The following TRPC1 variants were observed in gnomAD, a reference collection of about 807,000 sequenced individuals.
TRPC1 encodes the protein transient receptor potential cation channel subfamily C member 1.
Under a neutral mutation model 88.2 loss-of-function variants are expected in TRPC1, and 42 were observed. The ratio of observed to expected loss-of-function variants is 0.48; its 90% confidence interval spans 0.37 to 0.62. The LOEUF (loss-of-function observed/expected upper bound fraction) is 0.62, where lower values mean the gene tolerates loss of function less well. Ranked by LOEUF, TRPC1 falls within the 20% of genes least tolerant of loss-of-function variation. The pLI, the probability that TRPC1 is intolerant of heterozygous loss-of-function variation, is 0.00. For missense variants in TRPC1, 699 were observed against 957.3 expected, an observed-to-expected ratio of 0.73 and a Z score of 3.56; for synonymous variants, 288 against 331.8, an observed-to-expected ratio of 0.87 and a Z score of 1.43.
At chr3:142,797,033 C>T (rs910905423) in intron 9 of TRPC1, among the ~76,000 whole-genome samples, 1 of 151,824 alleles carries the variant, frequency 6.6e-6, no homozygotes, top group Non-Finnish European at 1.5e-5. Context: ...TCTTCCCCTT[C>T]GCACTGTAAA....
intron 4 of TRPC1, among the ~76,000 whole-genome samples, chr3:142,774,005 A>G (rs1935672811): frequency 6.6e-6 from 1 of 151,896 alleles, no homozygotes; most frequent in Non-Finnish European, 1.5e-5. Flanking sequence ...TGTGTTGTAC[A>G]TTTATTGATG....
At chr3:142,786,473 GATAAA>G (rs1936136768) in intron 7 of TRPC1, among the ~76,000 whole-genome samples, 1 of 152,090 alleles carries the variant, frequency 6.6e-6, no homozygotes, top group Admixed American at 6.5e-5. Flanking sequence ...AAATTAGGTA[GATAAA>G]ATAATACACA....
At chr3:142,790,631 G>C (rs1451925273) in intron 7 of TRPC1, among the ~76,000 whole-genome samples, 1 of 152,060 alleles carries the variant, frequency 6.6e-6, no homozygotes, top group African/African-American at 2.4e-5. Context: ...CCCTTGTGCG[G>C]GGGTGTGTAC....
At chr3:142,795,137 A>C (rs1936412972) in intron 9 of TRPC1, among the ~76,000 whole-genome samples, 1 of 152,104 alleles carries the variant, frequency 6.6e-6, no homozygotes, top group South Asian at 2.1e-4. Context: ...AGTAAACTCG[A>C]ATAGGTAACA....
chr3:142,795,918 A>G (rs1936436637), intron 9 of TRPC1, among the ~76,000 whole-genome samples: 1 of 152,112 alleles, frequency 6.6e-6, no homozygotes, highest in African/African-American at 2.4e-5. Context: ...TTGGGCATAA[A>G]TCAGTAATGC....
At chr3:142,799,029 C>T (rs963637441) in intron 9 of TRPC1, among the ~76,000 whole-genome samples, 3 of 152,044 alleles carry the variant, frequency 2.0e-5, no homozygotes, top group African/African-American at 4.8e-5. Context: ...CACCTAACAC[C>T]TCAGTATTTT....
chr3:142,736,623 T>TCCTCCTCTTCTTCCTTTC, intron 2 of TRPC1, 90 bp downstream of exon 2: 1 of 1,130,616 alleles, frequency 8.8e-7, no homozygotes, highest in Non-Finnish European at 1.2e-6. Context: ...TTCTTCTTTT[T>TCCTCCTCTTCTTCCTTTC]CCTCCTCTTC....
intron 1 of TRPC1, 112 bp from the exon 2 acceptor site, chr3:142,736,267 A>T: frequency 1.3e-6 from 1 of 769,118 alleles, no homozygotes; most frequent in Non-Finnish European, 1.9e-6. Context: ...TTCTTATACA[A>T]AAATGAGTTT....
At chr3:142,771,502 A>G (rs1429085730) in intron 4 of TRPC1, among the ~76,000 whole-genome samples, 3 of 152,120 alleles carry the variant, frequency 2.0e-5, no homozygotes, top group Non-Finnish European at 4.4e-5. Context: ...CTTAATGCCA[A>G]TAACATATGA....
chr3:142,772,849 G>A (rs1054020356), intron 4 of TRPC1, among the ~76,000 whole-genome samples: 4 of 152,140 alleles, frequency 2.6e-5, no homozygotes, highest in African/African-American at 9.7e-5. Context: ...AGTCAGAAAT[G>A]AAGATATTGG....
rs769936749 is a variant in TRPC1 at position 142,806,147 on chromosome 3, G to A, written c.2294G>A (p.Arg765His). 5.3e-5 allele frequency: 86 copies of A among 1,613,752 alleles called. No homozygotes were observed. The highest frequency in any genetic ancestry group is 7.0e-5 in the Non-Finnish European group (82 of 1,179,796). ...ACTGTGGAAAATCTAAACGAACTGC[G>A]CCAAGATCTGTCAAAATTCCGAAAT... ...QATVENLNEL[R>H]QDLSKFRNEI... Residue 765 changes from arginine (R) to histidine (H), a missense_variant, in exon 13 of 13, where the codon CGC (arginine) becomes CAC (histidine). Around this residue, in one of 4 missense-constraint regions of TRPC1, gnomAD observed 105 missense variants for 141.7 expected, o/e 0.74. Coordinates refer to ENST00000476941, the MANE Select transcript of TRPC1 (RefSeq NM_001251845.2).
At chr3:142,734,233 A>T (rs1934038453) in intron 1 of TRPC1, among the ~76,000 whole-genome samples, 1 of 152,216 alleles carries the variant, frequency 6.6e-6, no homozygotes, top group South Asian at 2.1e-4. Flanking sequence ...TCATACAGCG[A>T]CTACAAAATA....
intron 4 of TRPC1, among the ~76,000 whole-genome samples, chr3:142,756,355 A>T (rs1359280212): frequency 6.7e-6 from 1 of 148,150 alleles, no homozygotes; most frequent in African/African-American, 2.5e-5. Flanking sequence ...GTAAGGTATG[A>T]TGGTTCTTTT....
intron 4 of TRPC1, among the ~76,000 whole-genome samples, chr3:142,753,248 G>T (rs1445325880): frequency 6.6e-6 from 1 of 152,190 alleles, no homozygotes. Flanking sequence ...AGATCTTTTA[G>T]TATGAGTAAG....
chr3:142,785,153 C>T (rs1936091752), intron 7 of TRPC1, 113 bp downstream of exon 7: 1 of 871,882 alleles, frequency 1.1e-6, no homozygotes, highest in African/African-American at 1.7e-5. Context: ...CTGTTCACAC[C>T]ACAAGAATTT....
chr3:142,748,556 T>C, intron 4 of TRPC1, 96 bp downstream of exon 4: 1 of 1,342,610 alleles, frequency 7.4e-7, no homozygotes, highest in Middle Eastern at 1.9e-4. Flanking sequence ...TTTTAAGAAA[T>C]GTGATGCTGG....
At chr3:142,727,499 TGTAA>T (rs1246408006) in intron 1 of TRPC1, among the ~76,000 whole-genome samples, 1 of 152,158 alleles carries the variant, frequency 6.6e-6, no homozygotes, top group Non-Finnish European at 1.5e-5. Context: ...CTGGCTTTTA[TGTAA>T]GTAAGTTCGG....
intron 4 of TRPC1, among the ~76,000 whole-genome samples, chr3:142,749,127 C>T (rs1934660492): frequency 6.6e-6 from 1 of 152,114 alleles, no homozygotes; most frequent in Non-Finnish European, 1.5e-5. Context: ...TATATGACAT[C>T]GGTCCTGTAA....
Position 142,724,622 on chromosome 3 carries a change from C to T in TRPC1, c.63C>T (p.Ser21=), listed in dbSNP as rs774859764. The T allele has an allele frequency of 9.9e-6, 16 of 1,611,980 alleles. No homozygotes were observed. The African/African-American group carries it at 1.3e-4, about 13-fold the overall frequency. Residue 21 remains serine (S), a synonymous_variant, in exon 1 of 13, where the codon TCC becomes TCT. Coordinates refer to ENST00000476941, the MANE Select transcript of TRPC1 (RefSeq NM_001251845.2). This position sits in a 1 kb window ranked among gnomAD's most constrained non-coding sequence, Gnocchi z 5.6. ...GCGCCTCCTCCTCCTCCCTGCCTTCCTCTCCATCCTCTTCCTCGCCGAACG... is the reference window on the plus strand; with the variant it reads ...GCGCCTCCTCCTCCTCCCTGCCTTCTTCTCCATCCTCTTCCTCGCCGAACG... The part of the protein sequence containing the change: ...LSGASSSSLP[S]SPSSSSPNEV...
Sources: allele counts gnomAD v4.1 joint callset (sites outside exome capture counted in the v4.1 genomes callset), GRCh38; gene constraint gnomAD v4.1.1; regional missense constraint gnomAD v4.1.1; non-coding constraint Gnocchi (gnomAD v3.1); transcripts MANE v1.5; gene names NCBI Gene and HGNC (gene_info 2026-07-23, HGNC 2026-07-21).